Variants in MAD1L1 observed in about 807,000 individuals in gnomAD.
MAD1L1 encodes the protein mitotic spindle assembly checkpoint protein MAD1.
In MAD1L1, 95 loss-of-function variants were observed where a neutral mutation model predicts 96.9. The observed-to-expected ratio is 0.98, with a 90% CI of 0.83 to 1.16. The LOEUF is 1.16. Ranked by LOEUF, MAD1L1 falls within the 50% of genes most tolerant of loss-of-function variation. The pLI is 0.00. For synonymous variants in MAD1L1, 473 were observed against 396.6 expected, an observed-to-expected ratio of 1.19 and a Z score of -2.29; for missense variants, 1,007 against 954.4, an observed-to-expected ratio of 1.06 and a Z score of -0.73.
At chr7:1,824,398 G>A (rs112341886) in intron 18 of MAD1L1, among the ~76,000 whole-genome samples, 3,087 of 152,252 alleles carry the variant, frequency 0.02, 107 homozygotes, top group African/African-American at 0.071. Flanking sequence ...GAAGACTAAC[G>A]AAGTCAGGTG....
chr7:1,947,631 G>A (rs910057099), intron 16 of MAD1L1, among the ~76,000 whole-genome samples: 4 of 151,494 alleles, frequency 2.6e-5, no homozygotes, highest in Non-Finnish European at 4.4e-5. Flanking sequence ...GGCCTTGCCC[G>A]CTTGGCCTTC....
intron 11 of MAD1L1, among the ~76,000 whole-genome samples, chr7:2,116,388 G>A (rs1480058783): frequency 1.3e-5 from 2 of 152,218 alleles, no homozygotes; most frequent in Non-Finnish European, 2.9e-5. Context: ...CTGAACGGGA[G>A]CGACAAGGAG....
intron 16 of MAD1L1, among the ~76,000 whole-genome samples, chr7:1,937,386 T>C (rs554017014): frequency 2.0e-5 from 3 of 152,284 alleles, no homozygotes; most frequent in African/African-American, 4.8e-5. Flanking sequence ...GAGCCTGGCA[T>C]CAGCGTGGGT....
chr7:1,918,970 T>C (rs1048128844), intron 17 of MAD1L1, among the ~76,000 whole-genome samples: 4 of 152,096 alleles, frequency 2.6e-5, no homozygotes, highest in African/African-American at 4.8e-5. Flanking sequence ...ACCCGTCCTG[T>C]CTCTGGGTCA....
chr7:2,213,410 T>C (rs1793088360), intron 9 of MAD1L1, 137 bp from the exon 10 acceptor site: 1 of 778,150 alleles, frequency 1.3e-6, no homozygotes, highest in Non-Finnish European at 2.2e-6. Context: ...GGGCGCTACA[T>C]GCTCCAAGTC....
intron 14 of MAD1L1, among the ~76,000 whole-genome samples, chr7:1,985,182 G>A (rs535669715): frequency 6.6e-6 from 1 of 152,334 alleles, no homozygotes; most frequent in South Asian, 2.1e-4. Flanking sequence ...CGGGGACTCA[G>A]CAGACGGCCC....
At chr7:1,899,765 A>C (rs1187277521) in intron 17 of MAD1L1, among the ~76,000 whole-genome samples, 1 of 151,932 alleles carries the variant, frequency 6.6e-6, no homozygotes, top group African/African-American at 2.4e-5. Flanking sequence ...GCTGCCGGGG[A>C]GTTTGTGCAC....
intron 18 of MAD1L1, among the ~76,000 whole-genome samples, chr7:1,883,435 G>A (rs1785810630): frequency 1.3e-5 from 2 of 152,202 alleles, no homozygotes; most frequent in African/African-American, 2.4e-5. Context: ...CTGGGGCCAT[G>A]AGTCATGGGG....
Position 1,968,839 on chromosome 7 carries a change from G to A in MAD1L1, c.1506-11120C>T, listed in dbSNP as rs950693075. ...AGCGAGGAAAGACAAAACTGTCACCGACCAGCGGCAGAAGAGATGTGACGA... is the reference window on the plus strand; with the variant it reads ...AGCGAGGAAAGACAAAACTGTCACCAACCAGCGGCAGAAGAGATGTGACGA... On this transcript the variant is annotated intron_variant, in intron 15 of 18. Transcript: ENST00000265854. This position sits in a 1 kb window ranked among gnomAD's most constrained non-coding sequence, Gnocchi z 5.6. 1.3e-5 allele frequency among the ~76,000 whole-genome samples: 2 copies of A among 152,212 alleles called. No individual in the cohort carries two copies. The highest frequency in any genetic ancestry group is 6.5e-5 in the Admixed American group (1 of 15,286).
chr7:2,016,671 C>G (rs567387897), intron 12 of MAD1L1, among the ~76,000 whole-genome samples: 13 of 44,902 alleles, frequency 2.9e-4, no homozygotes, highest in Admixed American at 2.8e-3. Context: ...GCCGCCACGT[C>G]TGGGGCTCTC....
At chr7:2,209,637 T>C (rs1392993301) in intron 10 of MAD1L1, among the ~76,000 whole-genome samples, 1 of 152,132 alleles carries the variant, frequency 6.6e-6, no homozygotes, top group Non-Finnish European at 1.5e-5. Context: ...GTGGGAAGGA[T>C]CACCAAGGCG....
At chr7:1,839,495 G>A (rs1203415796) in intron 18 of MAD1L1, among the ~76,000 whole-genome samples, 2 of 152,230 alleles carry the variant, frequency 1.3e-5, no homozygotes, top group African/African-American at 4.8e-5. Flanking sequence ...TCGCTTCCGA[G>A]TGGGGCTGAC....
At chr7:2,106,171 C>T (rs904272062) in intron 11 of MAD1L1, among the ~76,000 whole-genome samples, 5 of 151,806 alleles carry the variant, frequency 3.3e-5, no homozygotes, top group African/African-American at 1.2e-4. Context: ...TGCCCCATTA[C>T]GCCTAGGCTA....
chr7:1,959,960 A>G (rs1185312196), intron 15 of MAD1L1, among the ~76,000 whole-genome samples: 3 of 152,232 alleles, frequency 2.0e-5, no homozygotes, highest in African/African-American at 7.2e-5. Flanking sequence ...TGATTAATAG[A>G]TTAAACAAAA....
chr7:1,979,089 AC>A (rs1385494217), intron 15 of MAD1L1, among the ~76,000 whole-genome samples: 2 of 152,210 alleles, frequency 1.3e-5, no homozygotes, highest in Non-Finnish European at 2.9e-5. Context: ...ACTCTCGGCA[AC>A]CCTGAGAAAG....
rs932996668 is a variant in MAD1L1, at chr7:2,197,260, G to T, written c.986+15952C>A. Among the ~76,000 whole-genome samples, 21 of 152,186 alleles carry T rather than the reference G, an allele frequency of 1.4e-4. 1 individual carries two copies. Among genetic ancestry groups the T allele is most frequent in the African/African-American group, 5.1e-4 (21 of 41,438 alleles). On this transcript the variant is annotated intron_variant, in intron 10 of 18. Transcript: ENST00000265854. ...GGAACATGCTGCCAGCCTCTCAAGT[G>T]TCATCTCTTCAGGAGCCACGCTTGA...
intron 17 of MAD1L1, among the ~76,000 whole-genome samples, chr7:1,926,360 A>G (rs1789088377): frequency 6.6e-6 from 1 of 152,250 alleles, no homozygotes; most frequent in Non-Finnish European, 1.5e-5. Flanking sequence ...TCTAGGACAT[A>G]AAAGGGGGAA....
chr7:2,068,105 C>G (rs1784963273), intron 12 of MAD1L1, among the ~76,000 whole-genome samples: 1 of 152,250 alleles, frequency 6.6e-6, no homozygotes, highest in Admixed American at 6.5e-5. Context: ...CAGCAGACAG[C>G]TCCGGCTGAA....
intron 17 of MAD1L1, among the ~76,000 whole-genome samples, chr7:1,918,949 ATCCT>A (rs1168918345): frequency 1.3e-5 from 2 of 151,038 alleles, no homozygotes; most frequent in African/African-American, 4.9e-5. Context: ...AGGGGCACTG[ATCCT>A]TCCAACACCC....
Sources: gnomAD v4.1 joint callset for allele counts (sites outside exome capture counted in the v4.1 genomes callset) on GRCh38, gnomAD v4.1.1 for gene constraint, Gnocchi (gnomAD v3.1) non-coding constraint, MANE v1.5 for transcripts, NCBI Gene and HGNC (gene_info 2026-07-23, HGNC 2026-07-21) for gene names.